The following COLEC10 variants were observed in gnomAD, a reference collection of about 807,000 sequenced individuals.
COLEC10 encodes collectin-10.
Under a neutral mutation model 28.4 loss-of-function variants are expected in COLEC10, and 22 were observed. The ratio of observed to expected loss-of-function variants is 0.78; its 90% CI spans 0.55 to 1.11. COLEC10 has a LOEUF of 1.11. COLEC10 is among the 50% of genes least tolerant of loss of function. The pLI, the probability that COLEC10 is intolerant of heterozygous loss-of-function variation, is 0.00. For missense variants in COLEC10, 361 were observed against 344.1 expected (o/e 1.05, Z -0.39); for synonymous variants, 125 against 116.1 (o/e 1.08, Z -0.49).
chr8:118,989,534 T>TACAC, the COLEC10 span, among the ~76,000 whole-genome samples: 10,229 of 128,588 alleles, frequency 0.08, 510 homozygotes, highest in African/African-American at 0.15. Flanking sequence ...ACAGACAAAA[T>TACAC]ACACACACAC....
Position 119,021,023 on chromosome 8 carries a change from G to C in COLEC10, n.235+11470G>C, listed in dbSNP as rs190192489. On this transcript the variant is annotated intron_variant and non_coding_transcript_variant, in intron 2 of 6. Transcript: ENST00000521788. ...CATTATAGATGATATATGGAATATA[G>C]AAATTGATGTCAGTTATTATTCACT... Among the ~76,000 whole-genome samples, 4 of 152,182 alleles carry C rather than the reference G, an allele frequency of 2.6e-5. No individual in the cohort carries two copies. In the East Asian group the frequency reaches 5.8e-4, roughly 22 times the overall value.
Position 119,107,010 on chromosome 8 carries a change from C to T in COLEC10, c.*819C>T, listed in dbSNP as rs142315462. Among the ~76,000 whole-genome samples, 1 of 152,158 alleles carries T rather than the reference C, an allele frequency of 6.6e-6. No individual in the cohort carries two copies. Among genetic ancestry groups the T allele is most frequent in the South Asian group, 2.1e-4 (1 of 4,826 alleles). The stretch of plus-strand genomic sequence containing the variant: ...AACAATACTGGTTATAGTTCTCTTG[C>T]TAAATTGCCCACTGCTATTAACTTA... On this transcript the variant is annotated 3_prime_UTR_variant, in exon 6 of 6. Coordinates refer to ENST00000332843, the MANE Select transcript of COLEC10 (RefSeq NM_006438.5).
chr8:118,956,540 AC>A, the COLEC10 span, among the ~76,000 whole-genome samples: 1 of 152,100 alleles, frequency 6.6e-6, no homozygotes, highest in Non-Finnish European at 1.5e-5. Flanking sequence ...TTGCTTATAA[AC>A]TTTTTCCAGT....
chr8:119,106,249 T>A lies in COLEC10; in HGVS notation c.*58T>A. The A allele has an allele frequency of 1.3e-6, 2 of 1,517,066 alleles. No homozygotes were observed. Among genetic ancestry groups the A allele is most frequent in the South Asian group, 2.6e-5 (2 of 78,178 alleles). 94.0% of individuals were successfully genotyped at this position (1,517,066 alleles called of 1,614,324 possible). A position where few individuals can be genotyped will look rare whatever the true frequency, so the allele number is the denominator to read the frequency against. On this transcript the variant is annotated 3_prime_UTR_variant, in exon 6 of 6. Transcript: ENST00000332843. ...GTGACCGTCATTACAGTTATTGTTATCCATCCTTTTTTTCCTGATTGTACT... is the reference window on the plus strand; with the variant it reads ...GTGACCGTCATTACAGTTATTGTTAACCATCCTTTTTTTCCTGATTGTACT...
At chr8:119,008,212 G>A (rs1248888725) in intron 1 of COLEC10, among the ~76,000 whole-genome samples, 1 of 150,756 alleles carries the variant, frequency 6.6e-6, no homozygotes, top group East Asian at 1.9e-4. Context: ...TTTCTGTAAA[G>A]ACATTTTTAT....
At chr8:118,972,244 G>T in the COLEC10 span, among the ~76,000 whole-genome samples, 1 of 151,898 alleles carries the variant, frequency 6.6e-6, no homozygotes, top group Non-Finnish European at 1.5e-5. Context: ...ACCAGCCCAG[G>T]TCTCTAGAAG....
intron 1 of COLEC10, among the ~76,000 whole-genome samples, chr8:119,079,767 T>TTTAGTTG (rs1342628520): frequency 6.6e-5 from 10 of 151,906 alleles, no homozygotes; most frequent in Non-Finnish European, 1.5e-4. Flanking sequence ...TCCCCAGTTG[T>TTTAGTTG]TTTCTTTGCT....
intron 1 of COLEC10, among the ~76,000 whole-genome samples, chr8:119,076,151 T>C (rs1019104246): frequency 1.4e-5 from 2 of 147,758 alleles, no homozygotes; most frequent in Non-Finnish European, 3.0e-5. Context: ...GGCCTCGTGA[T>C]CCGCCTGCCT....
intron 2 of COLEC10, among the ~76,000 whole-genome samples, chr8:119,052,178 T>C (rs1814686346): frequency 6.6e-6 from 1 of 152,176 alleles, no homozygotes; most frequent in South Asian, 2.1e-4. Flanking sequence ...TCATTTGTCA[T>C]GGTGATTGTA....
the COLEC10 span, among the ~76,000 whole-genome samples, chr8:118,971,404 G>A: frequency 3.1e-3 from 470 of 152,052 alleles, 15 homozygotes; most frequent in East Asian, 0.071. Flanking sequence ...GTGGCAGGGG[G>A]AATTAGGAGT....
chr8:119,060,976 TAAAA>T (rs775698219), intron 2 of COLEC10, among the ~76,000 whole-genome samples: 1 of 152,000 alleles, frequency 6.6e-6, no homozygotes, highest in Non-Finnish European at 1.5e-5. Context: ...AAGAGATTCT[TAAAA>T]AACTATAATG....
At chr8:119,049,698 G>A (rs1377088583) in intron 2 of COLEC10, among the ~76,000 whole-genome samples, 1 of 152,134 alleles carries the variant, frequency 6.6e-6, no homozygotes, top group Non-Finnish European at 1.5e-5. Context: ...ACAGGCGTGA[G>A]CCACCTCGCC....
At chr8:119,048,161 C>T (rs1814616339) in intron 2 of COLEC10, among the ~76,000 whole-genome samples, 1 of 152,176 alleles carries the variant, frequency 6.6e-6, no homozygotes, top group Non-Finnish European at 1.5e-5. Context: ...CCGCCTCTAG[C>T]AGTCTGCAGT....
intron 1 of COLEC10, among the ~76,000 whole-genome samples, chr8:119,087,276 G>A (rs1563739693): frequency 6.6e-6 from 1 of 152,110 alleles, no homozygotes; most frequent in African/African-American, 2.4e-5. Flanking sequence ...TGGGTCACAG[G>A]GAAATGTAAG....
chr8:118,997,246 A>G (rs1452789107), intron 1 of COLEC10, among the ~76,000 whole-genome samples: 1 of 152,120 alleles, frequency 6.6e-6, no homozygotes, highest in Non-Finnish European at 1.5e-5. Flanking sequence ...ATTTCCTACA[A>G]TTACTTAGGT....
At chr8:119,103,750 C>G in intron 4 of COLEC10, 50 bp from the exon 5 acceptor site, 1 of 1,087,318 alleles carries the variant, frequency 9.2e-7, no homozygotes, top group Non-Finnish European at 1.4e-6. Context: ...TTCCTTTCCA[C>G]TGGTCTGCAG....
At chr8:118,960,709 G>A in the COLEC10 span, among the ~76,000 whole-genome samples, 26 of 151,236 alleles carry the variant, frequency 1.7e-4, no homozygotes, top group South Asian at 2.5e-3. Flanking sequence ...CGCTTGAACC[G>A]GTGGGGGGTG....
chr8:119,055,976 C>T (rs1267591411), intron 2 of COLEC10, among the ~76,000 whole-genome samples: 1 of 152,056 alleles, frequency 6.6e-6, no homozygotes, highest in Non-Finnish European at 1.5e-5. Context: ...CCAACAGACA[C>T]CAACTCCACG....
intron 1 of COLEC10, among the ~76,000 whole-genome samples, chr8:118,998,018 T>G (rs568913359): frequency 2.0e-5 from 3 of 152,208 alleles, no homozygotes; most frequent in Non-Finnish European, 4.4e-5. Context: ...GTTCAACATA[T>G]GATCAATCAA....
Sources: allele counts gnomAD v4.1 joint callset (sites outside exome capture counted in the v4.1 genomes callset), GRCh38; gene constraint gnomAD v4.1.1; transcripts MANE v1.5; gene names NCBI Gene and HGNC (gene_info 2026-07-23, HGNC 2026-07-21).